BCL9: variants seen among roughly 807,000 people sequenced by gnomAD.
BCL9 encodes BCL9 transcription coactivator.
In BCL9, 25 loss-of-function variants were observed where a neutral mutation model predicts 88.5. The observed-to-expected ratio is 0.28, with a 90% CI of 0.21 to 0.39. The LOEUF (loss-of-function observed/expected upper bound fraction) is 0.39. Ranked by LOEUF, BCL9 falls within the 10% of genes least tolerant of loss-of-function variation. The pLI, the probability that BCL9 is intolerant of heterozygous loss-of-function variation, is 1.00. For synonymous variants in BCL9, 711 were observed against 673.3 expected, an observed-to-expected ratio of 1.06 and a Z score of -0.87; for missense variants, 1,817 against 1,877.8, an observed-to-expected ratio of 0.97 and a Z score of 0.60.
intron 1 of BCL9, among the ~76,000 whole-genome samples, chr1:147,560,832 C>G (rs1655342563): frequency 6.6e-6 from 1 of 152,014 alleles, no homozygotes; most frequent in African/African-American, 2.4e-5. Context: ...GATTCTCAGA[C>G]ATAATTAATA....
At chr1:147,615,682 G>T in intron 6 of BCL9, 121 bp from the exon 7 acceptor site, 1 of 608,474 alleles carries the variant, frequency 1.6e-6, no homozygotes, top group Non-Finnish European at 2.8e-6. Context: ...CAACATTTCT[G>T]GTGGTTCTTT....
At position 147,624,692 on chromosome 1, in the gene BCL9, A is replaced by T. The variant is rs782174145; in HGVS notation, c.4014A>T (p.Gln1338His). ...GPHHRMMSPAQSTMPGQPTLM... is the reference protein window; with the variant it reads ...GPHHRMMSPAHSTMPGQPTLM... Reference sequence around the variant, plus strand: ...ACCATCGGATGATGTCACCAGCACAATCTACAATGCCCGGCCAGCCCACCC... The same window carrying T: ...ACCATCGGATGATGTCACCAGCACATTCTACAATGCCCGGCCAGCCCACCC... Residue 1338 changes from glutamine (Q) to histidine (H), a missense_variant, in exon 10 of 10, where the codon CAA becomes CAT. By Grantham distance (24) the Gln-to-His change is conservative (BLOSUM62 0). This residue lies in a region of BCL9 where 589 missense variants were observed against 686.2 expected (regional missense o/e 0.86). Coordinates refer to ENST00000234739, the MANE Select transcript of BCL9 (RefSeq NM_004326.4). This position sits in a 1 kb window ranked among gnomAD's most constrained non-coding sequence, Gnocchi z 4.4. 3 of 1,614,050 alleles carry T rather than the reference A, an allele frequency of 1.9e-6. No homozygotes were observed. In the South Asian group the frequency reaches 3.3e-5, roughly 18 times the overall value.
In BCL9 at chr1:147,622,843, G is replaced by A. The variant is rs587768859; in HGVS notation, c.3163+312G>A. ...GGGTCCTCATGTAGCAATATAGAGA[G>A]TAGTTTCTAACAGGCTGATTGGAAT... On this transcript the variant is annotated intron_variant, in intron 9 of 9. Transcript: ENST00000234739. Among the ~76,000 whole-genome samples the A allele has an allele frequency of 3.3e-5, 5 of 152,218 alleles. No individual in the cohort carries two copies. The East Asian group carries it at 7.7e-4, about 24-fold the overall frequency.
intron 1 of BCL9, among the ~76,000 whole-genome samples, chr1:147,569,905 G>C (rs1408885902): frequency 1.3e-5 from 2 of 151,986 alleles, no homozygotes; most frequent in African/African-American, 4.8e-5. Context: ...TTAGGCATCT[G>C]AATATTAAAG....
At chr1:147,575,035 CTG>C (rs1656048626) in intron 1 of BCL9, among the ~76,000 whole-genome samples, 2 of 152,170 alleles carry the variant, frequency 1.3e-5, no homozygotes, top group African/African-American at 4.8e-5. Context: ...CCAGAGAAGA[CTG>C]TACAAAAAAG....
intron 1 of BCL9, among the ~76,000 whole-genome samples, chr1:147,559,510 T>C (rs782014513): frequency 1.3e-5 from 2 of 152,206 alleles, no homozygotes; most frequent in Non-Finnish European, 2.9e-5. Flanking sequence ...AGGTGAAGCA[T>C]TTTGCACAGA....
At chr1:147,597,767 T>C (rs1271946029) in intron 1 of BCL9, among the ~76,000 whole-genome samples, 1 of 152,216 alleles carries the variant, frequency 6.6e-6, no homozygotes, top group Non-Finnish European at 1.5e-5. Context: ...ACCTCTAACC[T>C]TTAGATTTCA....
intron 1 of BCL9, among the ~76,000 whole-genome samples, chr1:147,562,315 G>C (rs1397301659): frequency 2.6e-5 from 4 of 151,968 alleles, no homozygotes; most frequent in Non-Finnish European, 5.9e-5. Context: ...GACAACAAGA[G>C]CGAAATTCCA....
At chr1:147,612,206 CTG>C (rs1241520592) in intron 4 of BCL9, among the ~76,000 whole-genome samples, 2 of 152,172 alleles carry the variant, frequency 1.3e-5, no homozygotes, top group African/African-American at 2.4e-5. Context: ...AACAAGGAAA[CTG>C]AGGCCTGGAA....
chr1:147,557,718 T>A (rs1553195606), intron 1 of BCL9, among the ~76,000 whole-genome samples: 1 of 152,200 alleles, frequency 6.6e-6, no homozygotes, highest in Non-Finnish European at 1.5e-5. Context: ...ATATTTTATA[T>A]ATGCATGTCT....
Position 147,611,858 on chromosome 1 carries a change from G to C in BCL9, c.22G>C (p.Val8Leu). 1.2e-6 allele frequency: 2 copies of C among 1,614,206 alleles called. No individual in the cohort carries two copies. The highest frequency in any genetic ancestry group is 1.7e-6 in the Non-Finnish European group (2 of 1,180,030). MHSSNPK[V>L]RSSPSGNTQS... ...ATCAATGCATTCCAGTAACCCTAAA[G>C]TGAGGAGCTCTCCATCAGGAAACAC... The change falls in exon 4 of 10, where the codon GTG (valine) becomes CTG (leucine). Residue 8 changes from valine (V) to leucine (L), a missense_variant. This residue lies in a region of BCL9 where 1,228 missense variants were observed against 1,191.6 expected (regional missense o/e 1.03). Coordinates refer to ENST00000234739, the MANE Select transcript of BCL9 (RefSeq NM_004326.4).
chr1:147,623,049 C>A (rs1658730037), intron 9 of BCL9, among the ~76,000 whole-genome samples: 1 of 152,036 alleles, frequency 6.6e-6, no homozygotes, highest in South Asian at 2.1e-4. Flanking sequence ...TATACCCACC[C>A]CTCACCTCGA....
intron 3 of BCL9, among the ~76,000 whole-genome samples, chr1:147,611,086 G>A (rs1657978342): frequency 6.6e-6 from 1 of 152,112 alleles, no homozygotes; most frequent in East Asian, 1.9e-4. Flanking sequence ...CCCTGAGAGT[G>A]TAAACATAGA....
At chr1:147,583,094 T>G (rs1656440648) in intron 1 of BCL9, among the ~76,000 whole-genome samples, 1 of 152,238 alleles carries the variant, frequency 6.6e-6, no homozygotes, top group African/African-American at 2.4e-5. Context: ...TTTTTTTGTA[T>G]TCACATTCTG....
At chr1:147,542,040 G>C (rs909132406) in intron 1 of BCL9, among the ~76,000 whole-genome samples, 37 of 152,080 alleles carry the variant, frequency 2.4e-4, no homozygotes, top group African/African-American at 7.7e-4. Flanking sequence ...AGAGCCCAGG[G>C]AGGCCTTGCA....
At chr1:147,559,361 C>T (rs1553195787) in intron 1 of BCL9, among the ~76,000 whole-genome samples, 1 of 152,138 alleles carries the variant, frequency 6.6e-6, no homozygotes, top group Non-Finnish European at 1.5e-5. Flanking sequence ...CATCAGATTC[C>T]TCTGTCATCA....
In BCL9 at chr1:147,612,986, G is replaced by C. The variant is rs782309231; in HGVS notation, c.157G>C (p.Gly53Arg). The change falls in exon 5 of 10, where the codon GGG (glycine) becomes CGG (arginine). Residue 53 changes from glycine to arginine, a missense_variant. Physicochemically the swap from Gly to Arg is moderately radical, Grantham distance 125 (BLOSUM62 -2). Coordinates refer to ENST00000234739, the MANE Select transcript of BCL9 (RefSeq NM_004326.4). Reference sequence around the variant, plus strand: ...CAAATTCTCCAATCAGGGTAAACAGGGGGGCTCAGCCAGCCAATCCCAGCC... The same window carrying C: ...CAAATTCTCCAATCAGGGTAAACAGCGGGGCTCAGCCAGCCAATCCCAGCC... ...DSKFSNQGKQ[G>R]GSASQSQPSP... 1.2e-5 allele frequency: 19 copies of C among 1,610,464 alleles called. No individual in the cohort carries two copies. The highest frequency in any genetic ancestry group is 6.7e-5 in the African/African-American group (5 of 74,800).
At chr1:147,611,295 C>G (rs1479060590) in intron 3 of BCL9, among the ~76,000 whole-genome samples, 11 of 152,166 alleles carry the variant, frequency 7.2e-5, no homozygotes, top group African/African-American at 2.7e-4. Flanking sequence ...GAATACATAG[C>G]TAAAGAGAAA....
At chr1:147,610,423 G>A (rs1570901576) in intron 3 of BCL9, among the ~76,000 whole-genome samples, 1 of 152,136 alleles carries the variant, frequency 6.6e-6, no homozygotes, top group Admixed American at 6.5e-5. Flanking sequence ...ATTTCTAAAT[G>A]AAGAAATAGA....
Sources: allele counts gnomAD v4.1 joint callset (sites outside exome capture counted in the v4.1 genomes callset), GRCh38; gene constraint gnomAD v4.1.1; regional missense constraint gnomAD v4.1.1; non-coding constraint Gnocchi (gnomAD v3.1); transcripts MANE v1.5; gene names NCBI Gene and HGNC (gene_info 2026-07-23, HGNC 2026-07-21).